The following ANKFN1 variants were observed in gnomAD, a reference collection of about 807,000 sequenced individuals.
ANKFN1 encodes the protein ankyrin repeat and fibronectin type-III domain-containing protein 1.
A neutral mutation model predicts 108.7 loss-of-function variants in ANKFN1; 74 were observed. The ratio of observed to expected loss-of-function variants is 0.68; its 90% CI spans 0.56 to 0.83. The LOEUF (loss-of-function observed/expected upper bound fraction) is 0.83, where lower values mean the gene tolerates loss of function less well. ANKFN1 is among the 40% of genes least tolerant of loss of function. The probability of loss-of-function intolerance (pLI) is 0.00; values close to 1 mark genes in which losing one functional copy is unlikely to be tolerated. For synonymous variants in ANKFN1, 547 were observed against 516.2 expected (o/e 1.06, Z -0.81); for missense variants, 1,505 against 1,382.3 (o/e 1.09, Z -1.41).
intron 4 of ANKFN1, among the ~76,000 whole-genome samples, chr17:56,124,118 T>TA (rs1906786399): frequency 6.6e-6 from 1 of 152,156 alleles, no homozygotes; most frequent in Non-Finnish European, 1.5e-5. Flanking sequence ...GGTGTCGAGT[T>TA]AAAATTCAGG....
rs565003837 is a variant in ANKFN1 at position 56,094,046 on chromosome 17, A to G, written c.288+47721A>G. On this transcript the variant is annotated intron_variant, in intron 4 of 12. Coordinates refer to the ANKFN1 transcript ENST00000635860. ...AGAGGAAGAATCTGTGAACTCACAC[A>G]GGGAGTACACCGTATGACCATAAAG... Among the ~76,000 whole-genome samples the G allele has an allele frequency of 1.5e-4, 23 of 151,500 alleles. No individual in the cohort carries two copies. The South Asian group carries it at 4.2e-3, about 27-fold the overall frequency.
chr17:56,269,540 T>C (rs750748720), intron 3 of ANKFN1, among the ~76,000 whole-genome samples: 11 of 152,164 alleles, frequency 7.2e-5, no homozygotes, highest in Non-Finnish European at 1.3e-4. Flanking sequence ...CTCAACTACA[T>C]GAGGCTTGAG....
chr17:56,178,593 C>T (rs1464228523), intron 1 of ANKFN1, among the ~76,000 whole-genome samples: 1 of 152,028 alleles, frequency 6.6e-6, no homozygotes, highest in African/African-American at 2.4e-5. Flanking sequence ...AAATCAGACT[C>T]TCTCGGTGTG....
At chr17:56,220,481 G>A (rs1296784564) in intron 2 of ANKFN1, among the ~76,000 whole-genome samples, 1 of 151,918 alleles carries the variant, frequency 6.6e-6, no homozygotes, top group Non-Finnish European at 1.5e-5. Context: ...ACATGGCAAA[G>A]CCCCATCTTT....
chr17:56,092,077 T>C (rs1354368799), intron 4 of ANKFN1, among the ~76,000 whole-genome samples: 1 of 151,352 alleles, frequency 6.6e-6, no homozygotes, highest in African/African-American at 2.4e-5. Context: ...AGCATATGTT[T>C]ACAAAAGAAA....
intron 8 of ANKFN1, among the ~76,000 whole-genome samples, chr17:56,434,225 G>A (rs1217524778): frequency 6.6e-6 from 1 of 152,038 alleles, no homozygotes; most frequent in Non-Finnish European, 1.5e-5. Context: ...CATATGATAA[G>A]CAAAACTAGG....
chr17:56,177,269 G>T (rs1339172842), intron 1 of ANKFN1, among the ~76,000 whole-genome samples: 1 of 152,212 alleles, frequency 6.6e-6, no homozygotes, highest in Non-Finnish European at 1.5e-5. Context: ...GCTTCACGGG[G>T]TCCATGTTTA....
rs1358961844 is a variant in ANKFN1 at position 56,512,593 on chromosome 17, T to A, written c.*1324T>A. Among the ~76,000 whole-genome samples the A allele has an allele frequency of 3.9e-5, 6 of 152,244 alleles. No homozygotes were observed. Among genetic ancestry groups the A allele is most frequent in the African/African-American group, 1.4e-4 (6 of 41,464 alleles). ...AAAAGGCACAAGTTTCCTCATCTCC[T>A]GGAGCCAAGACCCATTCACTTCACT... is the stretch of plus-strand genomic sequence containing the variant. On this transcript the variant is annotated 3_prime_UTR_variant, in exon 21 of 21. Coordinates refer to ENST00000682825, the MANE Select transcript of ANKFN1 (RefSeq NM_001370326.1).
At chr17:56,185,688 A>G (rs1912131603) in intron 1 of ANKFN1, among the ~76,000 whole-genome samples, 1 of 152,158 alleles carries the variant, frequency 6.6e-6, no homozygotes, top group Non-Finnish European at 1.5e-5. Context: ...TGGGAAAGAG[A>G]ATGGTGAAAT....
rs75889765 is a variant in ANKFN1, at chr17:56,318,021, C to G, written c.54-8200C>G. Among the ~76,000 whole-genome samples the G allele has an allele frequency of 3.5e-4, 54 of 152,300 alleles. 3 individuals are homozygous for G. The East Asian group carries it at 0.01, about 29-fold the overall frequency. On this transcript the variant is annotated intron_variant, in intron 3 of 20. Transcript: ENST00000682825. ...CAGGAAATAGCATTGCCTTGTTCAG[C>G]TCTTTAGTGCAGATTGAGTCTCCAG...
At chr17:56,304,361 T>C (rs567862070) in intron 3 of ANKFN1, among the ~76,000 whole-genome samples, 1 of 152,204 alleles carries the variant, frequency 6.6e-6, no homozygotes, top group Admixed American at 6.5e-5. Context: ...TTCTATGGAA[T>C]TGATGTAAAT....
intron 4 of ANKFN1, 129 bp from the exon 5 acceptor site, chr17:56,350,637 A>C (rs2046222029): frequency 2.4e-6 from 2 of 841,294 alleles, no homozygotes; most frequent in Non-Finnish European, 3.6e-6. Context: ...TGGGTCTGAT[A>C]ATCTCTAAGG....
intron 8 of ANKFN1, among the ~76,000 whole-genome samples, chr17:56,396,519 C>T (rs999630417): frequency 6.6e-6 from 1 of 151,996 alleles, no homozygotes; most frequent in Non-Finnish European, 1.5e-5. Context: ...CCAAAGAAAT[C>T]TACTCCTTGA....
chr17:56,457,169 T>C (rs1478246815), intron 12 of ANKFN1, 88 bp from the exon 13 acceptor site: 1 of 1,316,278 alleles, frequency 7.6e-7, no homozygotes, highest in Non-Finnish European at 1.0e-6. Flanking sequence ...TTCCTAGGTA[T>C]ATTTTAAATT....
chr17:56,251,486 AG>A (rs1006002795), intron 3 of ANKFN1, among the ~76,000 whole-genome samples: 6 of 152,214 alleles, frequency 3.9e-5, no homozygotes, highest in African/African-American at 1.4e-4. Flanking sequence ...TGTTTGGGGC[AG>A]GTTTTTTTCT....
At chr17:56,135,964 T>C (rs948070930) in intron 4 of ANKFN1, among the ~76,000 whole-genome samples, 1 of 152,008 alleles carries the variant, frequency 6.6e-6, no homozygotes, top group South Asian at 2.1e-4. Flanking sequence ...TCCACAGAGA[T>C]TGTAGTGGAG....
chr17:56,457,303 G>T lies in ANKFN1; in HGVS notation c.1354G>T (p.Val452Phe). The change falls in exon 13 of 21, where the codon GTC (valine) becomes TTC (phenylalanine). Residue 452 changes from valine to phenylalanine, a missense_variant. Coordinates refer to ENST00000682825, the MANE Select transcript of ANKFN1 (RefSeq NM_001370326.1). ...VIFYYKDNIL[V>F]TNEDQVPIVE... Reference sequence around the variant, plus strand: ...ATTTTATTACAAAGACAATATCTTAGTCACCAATGAAGATCAAGTACCAAT... The same window carrying T: ...ATTTTATTACAAAGACAATATCTTATTCACCAATGAAGATCAAGTACCAAT... The T allele has an allele frequency of 6.2e-7, 1 of 1,601,574 alleles. No homozygotes were observed.
chr17:56,467,791 G>GAAAGAAAGA (rs11414270), intron 15 of ANKFN1, among the ~76,000 whole-genome samples: 1 of 55,022 alleles, frequency 1.8e-5, no homozygotes, highest in African/African-American at 5.4e-5. Flanking sequence ...AAGAAAGAAA[G>GAAAGAAAGA]AAGAAAGAAA....
At chr17:56,269,802 G>A (rs2043746202) in intron 3 of ANKFN1, among the ~76,000 whole-genome samples, 2 of 152,154 alleles carry the variant, frequency 1.3e-5, no homozygotes, top group African/African-American at 4.8e-5. Flanking sequence ...ATTAGAGTAG[G>A]GAAAAATTGC....
Sources: gnomAD v4.1 joint callset for allele counts (sites outside exome capture counted in the v4.1 genomes callset) on GRCh38, gnomAD v4.1.1 for gene constraint, MANE v1.5 for transcripts, NCBI Gene and HGNC (gene_info 2026-07-23, HGNC 2026-07-21) for gene names.